TRAPPC8: variants seen among roughly 807,000 people sequenced by gnomAD.
TRAPPC8 encodes the protein trafficking protein particle complex subunit 8, also known as general sporulation gene 1 homolog.
TRAPPC8 carries 54 observed loss-of-function variants against 174.3 expected under a neutral mutation model. The observed-to-expected ratio is 0.31, with a 90% CI of 0.25 to 0.39. TRAPPC8 has a LOEUF of 0.39. TRAPPC8 is among the 10% of genes least tolerant of loss of function. The pLI, the probability that TRAPPC8 is intolerant of heterozygous loss-of-function variation, is 1.00. For synonymous variants in TRAPPC8, 630 were observed against 579.9 expected (o/e 1.09, Z -1.24); for missense variants, 1,531 against 1,699.1 (o/e 0.90, Z 1.74).
intron 2 of TRAPPC8, among the ~76,000 whole-genome samples, chr18:31,925,854 T>G (rs1236963216): frequency 9.2e-5 from 14 of 152,220 alleles, no homozygotes; most frequent in Admixed American, 9.2e-4. Flanking sequence ...ACTAACAATG[T>G]ACACAGTCAA....
chr18:31,936,418 C>T (rs1190131429), intron 1 of TRAPPC8, among the ~76,000 whole-genome samples: 1 of 152,088 alleles, frequency 6.6e-6, no homozygotes, highest in Non-Finnish European at 1.5e-5. Context: ...GAACCATGAT[C>T]ATGCCCCCTG....
At position 31,908,348 on chromosome 18, in the gene TRAPPC8, A is replaced by C. The variant is rs764832750; in HGVS notation, c.1193T>G (p.Val398Gly). The C allele has an allele frequency of 4.2e-5, 68 of 1,607,192 alleles. No homozygotes were observed. The highest frequency in any genetic ancestry group is 5.6e-5 in the Non-Finnish European group (66 of 1,177,002). The change falls in exon 8 of 29, where the codon GTT becomes GGT. Residue 398 changes from valine to glycine, a missense_variant. Physicochemically the swap from Val to Gly is moderately radical, Grantham distance 109. Transcript: ENST00000283351. ...ATKKWFSGSK[V>G]PEKSINDLKN... ...CAGGTCATTAATGCTCTTTTCTGGA[A>C]CTTTACTGCCACTAAACCATTTTTT... is the stretch of plus-strand genomic sequence containing the variant.
intron 1 of TRAPPC8, 139 bp downstream of exon 1, chr18:31,942,469 C>G (rs1390138693): frequency 3.4e-6 from 4 of 1,179,214 alleles, no homozygotes; most frequent in Non-Finnish European, 4.5e-6. Flanking sequence ...CCCGGAGCAC[C>G]GCGGGGCCAC....
chr18:31,884,666 G>A (rs1013613449), intron 12 of TRAPPC8, among the ~76,000 whole-genome samples: 2 of 151,868 alleles, frequency 1.3e-5, no homozygotes. Flanking sequence ...TCCTCCACAC[G>A]TGCCTTACAG....
intron 12 of TRAPPC8, among the ~76,000 whole-genome samples, chr18:31,882,774 G>A (rs1388790270): frequency 2.0e-5 from 3 of 151,368 alleles, no homozygotes; most frequent in African/African-American, 4.8e-5. Context: ...ATGCTATCAC[G>A]CCTGGCTAAT....
chr18:31,876,363 G>A (rs915596756), intron 12 of TRAPPC8, among the ~76,000 whole-genome samples: 5 of 151,314 alleles, frequency 3.3e-5, no homozygotes, highest in South Asian at 4.2e-4. Flanking sequence ...GGTGGCGGGC[G>A]CCTGAAGTCC....
At chr18:31,896,090 A>G (rs895509771) in intron 11 of TRAPPC8, 1 of 152,234 alleles carries the variant, frequency 6.6e-6, no homozygotes, top group Non-Finnish European at 1.5e-5. Context: ...ATATAATATA[A>G]TATGACAAGT....
intron 2 of TRAPPC8, among the ~76,000 whole-genome samples, chr18:31,920,099 T>G (rs560140315): frequency 2.2e-4 from 34 of 152,166 alleles, no homozygotes; most frequent in African/African-American, 8.0e-4. Context: ...ATAATGAAAA[T>G]TATCGTTAAA....
intron 10 of TRAPPC8, 61 bp from the exon 11 acceptor site, chr18:31,897,952 A>T: frequency 7.1e-7 from 1 of 1,401,462 alleles, no homozygotes. Context: ...ATCAAAGTAA[A>T]TGTGTTCAGC....
chr18:31,907,601 C>T lies in TRAPPC8; in HGVS notation c.1248G>A (p.Pro416=), dbSNP rs147183785. 1.1e-4 allele frequency: 180 copies of T among 1,605,138 alleles called. No individual in the cohort carries two copies. The highest frequency in any genetic ancestry group is 3.3e-4 in the Middle Eastern group (2 of 5,994). ...TCCTGATTTGAAGTTCTGGTGCTTCCGGCGGATACCTGTAAATACAAAAGA... is the reference window on the plus strand; with the variant it reads ...TCCTGATTTGAAGTTCTGGTGCTTCTGGCGGATACCTGTAAATACAAAAGA... The part of the protein sequence containing the change: ...LKNTSGLLYP[P]EAPELQIRKM... Residue 416 remains proline, a synonymous_variant, in exon 9 of 29, where the codon CCG becomes CCA. Coordinates refer to ENST00000283351, the MANE Select transcript of TRAPPC8 (RefSeq NM_014939.5).
chr18:31,912,872 A>G (rs1205887766), intron 5 of TRAPPC8, among the ~76,000 whole-genome samples: 3 of 152,142 alleles, frequency 2.0e-5, no homozygotes, highest in African/African-American at 7.2e-5. Flanking sequence ...TCACACCTGT[A>G]ACCCTAACAC....
chr18:31,852,556 A>G (rs1480724948), intron 23 of TRAPPC8, 39 bp downstream of exon 23: 1 of 1,613,782 alleles, frequency 6.2e-7, no homozygotes. Flanking sequence ...AAAATATAAA[A>G]TGACCATTTA....
At chr18:31,921,829 A>G (rs1489890187) in intron 2 of TRAPPC8, among the ~76,000 whole-genome samples, 1 of 152,154 alleles carries the variant, frequency 6.6e-6, no homozygotes, top group Non-Finnish European at 1.5e-5. Flanking sequence ...ATCCAATTAT[A>G]TATATATTTA....
intron 9 of TRAPPC8, among the ~76,000 whole-genome samples, chr18:31,906,861 G>C (rs2036682949): frequency 6.6e-6 from 1 of 152,100 alleles, no homozygotes; most frequent in African/African-American, 2.4e-5. Context: ...TTACAGGTCA[G>C]AAAACTGTAG....
chr18:31,913,229 C>G (rs1207821368), intron 5 of TRAPPC8, 140 bp downstream of exon 5: 1 of 841,074 alleles, frequency 1.2e-6, no homozygotes. Flanking sequence ...TTTTAAACCA[C>G]TGACCTAAGA....
rs1000779989 is a variant in TRAPPC8, at chr18:31,943,050, C to G, written c.-286G>C. ...CGCCGACAGTCACCACTTAGTCCTT[C>G]GGACGGCAAAACCTTGGTCACTGCC... On this transcript the variant is annotated 5_prime_UTR_variant, in exon 1 of 29. Transcript: ENST00000283351. 53 of 521,692 alleles carry G rather than the reference C, an allele frequency of 1.0e-4. No homozygotes were observed. Among genetic ancestry groups the G allele is most frequent in the African/African-American group, 9.4e-4 (48 of 50,926 alleles). The allele number at this position is 521,692 out of a possible 1,614,324, so 32.3% of individuals were successfully genotyped here.
chr18:31,854,065 T>A, intron 21 of TRAPPC8, 120 bp from the exon 22 acceptor site: 1 of 721,392 alleles, frequency 1.4e-6, no homozygotes, highest in Non-Finnish European at 2.3e-6. Flanking sequence ...AAGATGCAAT[T>A]ACAATATACA....
chr18:31,841,757 TG>T lies in TRAPPC8; in HGVS notation c.3838-2301del, dbSNP rs948624003. On this transcript the variant is annotated intron_variant, in intron 26 of 28. Coordinates refer to ENST00000283351, the MANE Select transcript of TRAPPC8 (RefSeq NM_014939.5). ...AGGGTTGTAATTTTAAGTACTGATG[TG>T]AACCAACACTTGACAAATACCAAAT... Among the ~76,000 whole-genome samples, 477 of 152,358 alleles carry T rather than the reference TG, an allele frequency of 3.1e-3. 2 individuals carry two copies. Among genetic ancestry groups the T allele is most frequent in the African/African-American group, 8.8e-3 (364 of 41,582 alleles).
At chr18:31,899,433 A>G (rs990243708) in intron 10 of TRAPPC8, among the ~76,000 whole-genome samples, 3 of 152,176 alleles carry the variant, frequency 2.0e-5, no homozygotes, top group African/African-American at 4.8e-5. Context: ...TTTTGTTCTA[A>G]CCATGTTACC....
Sources: allele counts gnomAD v4.1 joint callset (sites outside exome capture counted in the v4.1 genomes callset), GRCh38; gene constraint gnomAD v4.1.1; transcripts MANE v1.5; gene names NCBI Gene and HGNC (gene_info 2026-07-23, HGNC 2026-07-21).